MLLT10: variants seen among roughly 807,000 people sequenced by gnomAD.
The protein encoded by MLLT10 is protein AF-10.
MLLT10 carries 30 observed loss-of-function variants against 129.1 expected under a neutral mutation model. The ratio of observed to expected loss-of-function variants is 0.23; its 90% confidence interval spans 0.17 to 0.32. The LOEUF (loss-of-function observed/expected upper bound fraction) is 0.32, where lower values mean the gene tolerates loss of function less well. Ranked by LOEUF, MLLT10 falls within the 10% of genes least tolerant of loss-of-function variation. The probability of loss-of-function intolerance (pLI) is 1.00; values close to 1 mark genes in which losing one functional copy is unlikely to be tolerated. For missense variants in MLLT10, 1,119 were observed against 1,268.3 expected (o/e 0.88, Z 1.79); for synonymous variants, 490 against 446.4 (o/e 1.10, Z -1.23).
intron 12 of MLLT10, 67 bp from the exon 13 acceptor site, chr10:21,682,158 G>T: frequency 3.1e-6 from 4 of 1,295,364 alleles, no homozygotes; most frequent in South Asian, 1.3e-5. Flanking sequence ...TCAGTGTATG[G>T]CTATGTATTT....
chr10:21,674,371 A>C (rs1293990285), intron 11 of MLLT10, among the ~76,000 whole-genome samples: 3 of 152,166 alleles, frequency 2.0e-5, no homozygotes, highest in Non-Finnish European at 4.4e-5. Flanking sequence ...TCACACAGAT[A>C]CTACTTGAAT....
At chr10:21,564,934 A>G (rs1360357926) in intron 3 of MLLT10, among the ~76,000 whole-genome samples, 1 of 152,074 alleles carries the variant, frequency 6.6e-6, no homozygotes, top group East Asian at 1.9e-4. Context: ...TATTCTTGCT[A>G]TGAATATATG....
Position 21,534,625 on chromosome 10 carries a change from T to G in MLLT10, c.1-20T>G. 6.3e-7 allele frequency: 1 copy of G among 1,590,600 alleles called. No individual in the cohort carries two copies. The highest frequency in any genetic ancestry group is 1.1e-5 in the South Asian group (1 of 88,564). ...TCGGCTTGCATGTGTTTTTTAATGGTCCCCCCAACTCCCTCTTAGATGGTC... is the reference window on the plus strand; with the variant it reads ...TCGGCTTGCATGTGTTTTTTAATGGGCCCCCCAACTCCCTCTTAGATGGTC... On this transcript the variant is annotated intron_variant, in intron 1 of 22. Transcript: ENST00000307729.
intron 2 of MLLT10, among the ~76,000 whole-genome samples, chr10:21,535,279 CGGGAACGCGGCGCCAGTGTG>C (rs1159287268): frequency 6.6e-6 from 1 of 152,024 alleles, no homozygotes; most frequent in Non-Finnish European, 1.5e-5. Flanking sequence ...GAGACGGGCT[CGGGAACGCGGCGCCAGTGTG>C]GGGAGGCTGG....
At chr10:21,560,376 A>C (rs1400458586) in intron 3 of MLLT10, among the ~76,000 whole-genome samples, 1 of 152,148 alleles carries the variant, frequency 6.6e-6, no homozygotes, top group Non-Finnish European at 1.5e-5. Context: ...ACAATGCATG[A>C]AGGTTCAGTC....
chr10:21,743,280 T>G lies in MLLT10; in HGVS notation c.*1297T>G, dbSNP rs1356685581. The G allele has an allele frequency of 2.6e-5, 6 of 226,684 alleles. No homozygotes were observed. Among genetic ancestry groups the G allele is most frequent in the Admixed American group, 5.7e-5 (1 of 17,580 alleles). 14.0% of individuals were successfully genotyped at this position (226,684 alleles called of 1,614,324 possible). A position where few individuals can be genotyped will look rare whatever the true frequency, so the allele number is the denominator to read the frequency against. On this transcript the variant is annotated 3_prime_UTR_variant, in exon 23 of 23. Coordinates refer to ENST00000307729, the MANE Select transcript of MLLT10 (RefSeq NM_001195626.3). ...TGTTTCTTGGTTAAACATTGCACAG[T>G]TCTTACCTCATTTCTGTAAATAAAG...
intron 8 of MLLT10, among the ~76,000 whole-genome samples, chr10:21,642,149 G>C (rs1213901619): frequency 6.7e-6 from 1 of 148,656 alleles, no homozygotes; most frequent in African/African-American, 2.5e-5. Flanking sequence ...CCAGGAGTTC[G>C]AGACCAGCCT....
chr10:21,694,326 T>C (rs971493204), intron 13 of MLLT10, among the ~76,000 whole-genome samples: 2 of 152,220 alleles, frequency 1.3e-5, no homozygotes, highest in Non-Finnish European at 2.9e-5. Flanking sequence ...TTTTGGATTT[T>C]ATTTTTCATT....
intron 3 of MLLT10, among the ~76,000 whole-genome samples, chr10:21,539,705 G>C (rs1468591767): frequency 2.0e-5 from 3 of 152,128 alleles, no homozygotes; most frequent in Non-Finnish European, 4.4e-5. Flanking sequence ...GGAGGTAGAG[G>C]TTGCAGTGAG....
chr10:21,616,990 CT>C, intron 7 of MLLT10, 121 bp from the exon 8 acceptor site: 1 of 362,358 alleles, frequency 2.8e-6, no homozygotes, highest in Non-Finnish European at 4.9e-6. Context: ...TTGAAATAGA[CT>C]TAAAAATTTC....
chr10:21,544,766 T>C (rs2035802201), intron 3 of MLLT10, among the ~76,000 whole-genome samples: 1 of 152,154 alleles, frequency 6.6e-6, no homozygotes. Flanking sequence ...TAATAAATAT[T>C]AGAGCAGTTG....
chr10:21,738,791 C>G (rs1290879259), intron 21 of MLLT10, among the ~76,000 whole-genome samples: 1 of 152,146 alleles, frequency 6.6e-6, no homozygotes, highest in African/African-American at 2.4e-5. Context: ...TACTACCTAA[C>G]TGGTCATTCC....
At chr10:21,568,348 G>A (rs1211006816) in intron 3 of MLLT10, among the ~76,000 whole-genome samples, 1 of 152,140 alleles carries the variant, frequency 6.6e-6, no homozygotes, top group Non-Finnish European at 1.5e-5. Context: ...CTTAGTGGGA[G>A]GAATAGGGAA....
intron 13 of MLLT10, among the ~76,000 whole-genome samples, chr10:21,691,850 A>T (rs1252506474): frequency 6.6e-6 from 1 of 152,018 alleles, no homozygotes; most frequent in African/African-American, 2.4e-5. Flanking sequence ...GAAAGAAGGA[A>T]AGTACCAATA....
At chr10:21,550,057 G>A (rs1488244594) in intron 3 of MLLT10, among the ~76,000 whole-genome samples, 2 of 152,178 alleles carry the variant, frequency 1.3e-5, no homozygotes, top group Non-Finnish European at 2.9e-5. Context: ...TGGGCCCATT[G>A]ATAAACTGGT....
At chr10:21,626,854 T>C (rs1564533890) in intron 8 of MLLT10, among the ~76,000 whole-genome samples, 1 of 152,190 alleles carries the variant, frequency 6.6e-6, no homozygotes, top group Non-Finnish European at 1.5e-5. Context: ...TCTGTATATG[T>C]GAAGAGTTAA....
intron 3 of MLLT10, among the ~76,000 whole-genome samples, chr10:21,549,049 T>G (rs1038606061): frequency 2.0e-5 from 3 of 152,240 alleles, no homozygotes; most frequent in South Asian, 2.1e-4. Flanking sequence ...GTTTTTGCCT[T>G]TGCTCTCTGT....
chr10:21,711,308 AGCTACTAGGGAG>A (rs2056063780), intron 13 of MLLT10, among the ~76,000 whole-genome samples: 1 of 152,156 alleles, frequency 6.6e-6, no homozygotes, highest in African/African-American at 2.4e-5. Context: ...CTGTAATCCC[AGCTACTAGGGAG>A]GCTGAGGCAG....
intron 13 of MLLT10, among the ~76,000 whole-genome samples, chr10:21,695,763 A>T (rs1447755056): frequency 9.2e-5 from 14 of 152,088 alleles, no homozygotes; most frequent in Admixed American, 9.2e-4. Context: ...TTGCTTCACC[A>T]CCCTGTCCCT....
Sources: gnomAD v4.1 joint callset for allele counts (sites outside exome capture counted in the v4.1 genomes callset) on GRCh38, gnomAD v4.1.1 for gene constraint, MANE v1.5 for transcripts, NCBI Gene and HGNC (gene_info 2026-07-23, HGNC 2026-07-21) for gene names.